TRPM6: variants seen among roughly 807,000 people sequenced by gnomAD.
TRPM6 encodes transient receptor potential cation channel subfamily M member 6.
A neutral mutation model predicts 247.6 loss-of-function variants in TRPM6; 111 were observed. That is an observed-to-expected ratio of 0.45 (90% confidence interval 0.38 to 0.52). TRPM6 has a LOEUF of 0.52. Ranked by LOEUF, TRPM6 falls within the 20% of genes least tolerant of loss-of-function variation. The pLI is 0.00. For synonymous variants in TRPM6, 892 were observed against 853.8 expected, an observed-to-expected ratio of 1.04 and a Z score of -0.78; for missense variants, 2,126 against 2,421.5, an observed-to-expected ratio of 0.88 and a Z score of 2.56.
chr9:74,748,039 C>T, intron 30 of TRPM6, 125 bp from the exon 31 acceptor site: 1 of 858,980 alleles, frequency 1.2e-6, no homozygotes, highest in Non-Finnish European at 1.9e-6. Context: ...ATGTGAAATA[C>T]ATATACAGTC....
chr9:74,868,387 C>A (rs996418996), intron 1 of TRPM6, among the ~76,000 whole-genome samples: 8 of 151,748 alleles, frequency 5.3e-5, no homozygotes, highest in African/African-American at 1.9e-4. Flanking sequence ...CCCAGCTACT[C>A]GGGAGGCTGA....
chr9:74,867,075 C>T (rs932590285), intron 1 of TRPM6, among the ~76,000 whole-genome samples: 1 of 152,182 alleles, frequency 6.6e-6, no homozygotes. Flanking sequence ...GCTAAATTCT[C>T]ATGTTTGCTT....
intron 33 of TRPM6, 151 bp downstream of exon 33, chr9:74,742,410 A>G: frequency 1.3e-6 from 1 of 751,808 alleles, no homozygotes; most frequent in Non-Finnish European, 2.3e-6. Flanking sequence ...GTTAACAAGA[A>G]TTTCCATTTT....
At chr9:74,839,999 G>A (rs1268874632) in intron 5 of TRPM6, 25 bp downstream of exon 5, 14 of 1,542,178 alleles carry the variant, frequency 9.1e-6, no homozygotes, top group Non-Finnish European at 1.2e-5. Flanking sequence ...GAGAGGGTGG[G>A]AGAAATGGAG....
chr9:74,805,971 A>G (rs530584546), intron 14 of TRPM6, among the ~76,000 whole-genome samples: 61 of 152,320 alleles, frequency 4.0e-4, no homozygotes, highest in Non-Finnish European at 6.5e-4. Flanking sequence ...TCATTATATT[A>G]AGGAATTATT....
chr9:74,786,220 A>T, intron 20 of TRPM6, 95 bp from the exon 21 acceptor site: 1 of 1,429,746 alleles, frequency 7.0e-7, no homozygotes, highest in Non-Finnish European at 9.8e-7. Context: ...TCACTGAAAG[A>T]GTAATCTAAA....
intron 37 of TRPM6, among the ~76,000 whole-genome samples, chr9:74,731,388 A>G (rs949993351): frequency 7.9e-5 from 12 of 152,088 alleles, no homozygotes; most frequent in Non-Finnish European, 1.5e-4. Flanking sequence ...ACTTTAGCAG[A>G]GCTAAAGTGA....
At position 74,834,157 on chromosome 9, in the gene TRPM6, T is replaced by C. The variant is rs201936157; in HGVS notation, c.545-35A>G. 603 of 1,613,120 alleles carry C rather than the reference T, an allele frequency of 3.7e-4. 2 individuals are homozygous for C. The highest frequency in any genetic ancestry group is 3.1e-3 in the Middle Eastern group (19 of 6,054). ...ACCAGTTTAGAAGTCAAACTTTAAT[T>C]CACAAATCGTGCAAAACAAAGAGAC... On this transcript the variant is annotated intron_variant, in intron 5 of 38. Transcript: ENST00000360774.
intron 1 of TRPM6, chr9:74,887,539 T>C: frequency 2.3e-6 from 3 of 1,282,762 alleles, no homozygotes; most frequent in South Asian, 1.3e-5. Flanking sequence ...CGACCCCCGC[T>C]AGGTTTCCGC....
At chr9:74,785,704 T>C (rs1827629952) in intron 21 of TRPM6, among the ~76,000 whole-genome samples, 170 bp downstream of exon 21, 1 of 152,122 alleles carries the variant, frequency 6.6e-6, no homozygotes, top group Admixed American at 6.5e-5. Flanking sequence ...TTTGTATTTT[T>C]AGTAGAGACG....
intron 1 of TRPM6, among the ~76,000 whole-genome samples, chr9:74,876,893 G>A (rs377199974): frequency 1.3e-5 from 2 of 152,134 alleles, no homozygotes; most frequent in Admixed American, 6.5e-5. Flanking sequence ...CACATTTTCC[G>A]GAAGAAAATC....
intron 38 of TRPM6, among the ~76,000 whole-genome samples, chr9:74,725,014 A>G (rs1049556907): frequency 1.3e-5 from 2 of 152,192 alleles, no homozygotes; most frequent in African/African-American, 2.4e-5. Flanking sequence ...ACAGTGCCCT[A>G]TAAGGCATAA....
In TRPM6 at chr9:74,782,415, G is replaced by A. The variant is rs371027465; in HGVS notation, c.3156C>T (p.Val1052=). Residue 1052 remains valine (V), a synonymous_variant, in exon 23 of 39, where the codon GTC becomes GTT. Transcript: ENST00000360774. Reference sequence around the variant, plus strand: ...TGATGATATATTGCACGAAGAGGTAGACAGCTTGCAAGAATGGAGTAAGAA... The same window carrying A: ...TGATGATATATTGCACGAAGAGGTAAACAGCTTGCAAGAATGGAGTAAGAA... The part of the protein sequence containing the change: ...GSFLTPFLQA[V]YLFVQYIIMV... The A allele has an allele frequency of 5.0e-6, 8 of 1,614,112 alleles. No homozygotes were observed. The South Asian group carries it at 5.5e-5, about 11-fold the overall frequency.
intron 11 of TRPM6, among the ~76,000 whole-genome samples, chr9:74,814,133 A>G (rs1335498067): frequency 6.6e-6 from 1 of 152,192 alleles, no homozygotes; most frequent in Non-Finnish European, 1.5e-5. Context: ...GATGCTAATG[A>G]AAAACATAGG....
chr9:74,863,110 G>T (rs187727327), intron 1 of TRPM6, among the ~76,000 whole-genome samples: 1 of 150,058 alleles, frequency 6.7e-6, no homozygotes, highest in Admixed American at 6.6e-5. Flanking sequence ...GCAATGGCAC[G>T]ATCTCGGCTC....
At chr9:74,765,810 T>C (rs1049715595) in intron 25 of TRPM6, among the ~76,000 whole-genome samples, 4 of 152,190 alleles carry the variant, frequency 2.6e-5, no homozygotes, top group African/African-American at 9.7e-5. Context: ...TCTGGGACCT[T>C]TGTAAATAGA....
At position 74,740,081 on chromosome 9, in the gene TRPM6, T is replaced by C. The variant is rs780252026; in HGVS notation, c.5201-72A>G. On this transcript the variant is annotated intron_variant, in intron 33 of 38. Coordinates refer to ENST00000360774, the MANE Select transcript of TRPM6 (RefSeq NM_017662.5). ...TGTGACATGAATAGTATCCTAAATATCAATGCAGAATCAGTTCAGTTACCC... is the reference window on the plus strand; with the variant it reads ...TGTGACATGAATAGTATCCTAAATACCAATGCAGAATCAGTTCAGTTACCC... The C allele has an allele frequency of 4.6e-4, 708 of 1,534,886 alleles. 1 individual carries two copies. Among genetic ancestry groups the C allele is most frequent in the South Asian group, 9.2e-4 (79 of 85,712 alleles).
At position 74,855,990 on chromosome 9, in the gene TRPM6, A is replaced by G. The variant is rs575523670; in HGVS notation, c.114-425T>C. ...ATGAAGATAACACAGATTTCTTGAGAATCAAGAAAATAGATATATGTAAAC... is the reference window on the plus strand; with the variant it reads ...ATGAAGATAACACAGATTTCTTGAGGATCAAGAAAATAGATATATGTAAAC... On this transcript the variant is annotated intron_variant, in intron 2 of 38. Coordinates refer to ENST00000360774, the MANE Select transcript of TRPM6 (RefSeq NM_017662.5). 1.8e-4 allele frequency among the ~76,000 whole-genome samples: 28 copies of G among 152,326 alleles called. 1 individual carries two copies. In the South Asian group the frequency reaches 5.6e-3, roughly 30 times the overall value.
intron 1 of TRPM6, among the ~76,000 whole-genome samples, chr9:74,878,047 A>C (rs922281805): frequency 2.6e-5 from 4 of 152,008 alleles, no homozygotes; most frequent in Non-Finnish European, 5.9e-5. Flanking sequence ...TCCTCCCAGA[A>C]ACCTGAGAAT....
Sources: allele counts gnomAD v4.1 joint callset (sites outside exome capture counted in the v4.1 genomes callset), GRCh38; gene constraint gnomAD v4.1.1; transcripts MANE v1.5; gene names NCBI Gene and HGNC (gene_info 2026-07-23, HGNC 2026-07-21).